The following MMD2 variants were observed in gnomAD, a reference collection of about 807,000 sequenced individuals.
MMD2 encodes monocyte to macrophage differentiation factor 2.
A neutral mutation model predicts 33.5 loss-of-function variants in MMD2; 30 were observed. The observed-to-expected ratio is 0.90, with a 90% CI of 0.67 to 1.22. MMD2 has a LOEUF of 1.22. MMD2 is among the 50% of genes most tolerant of loss of function. The probability of loss-of-function intolerance (pLI) is 0.00; values close to 1 mark genes in which losing one functional copy is unlikely to be tolerated. For synonymous variants in MMD2, 129 were observed against 123.0 expected (o/e 1.05, Z -0.32); for missense variants, 364 against 325.4 (o/e 1.12, Z -0.91).
intron 1 of MMD2, among the ~76,000 whole-genome samples, chr7:4,949,166 C>A (rs1427287339): frequency 6.6e-6 from 1 of 152,110 alleles, no homozygotes; most frequent in Non-Finnish European, 1.5e-5. Context: ...GCCGAGATCA[C>A]ACAGCTGTAC....
intron 1 of MMD2, among the ~76,000 whole-genome samples, chr7:4,938,649 G>C (rs991689286): frequency 6.6e-6 from 1 of 152,108 alleles, no homozygotes; most frequent in Non-Finnish European, 1.5e-5. Flanking sequence ...ACAGCAAGGG[G>C]CAAGGCCAGG....
intron 1 of MMD2, among the ~76,000 whole-genome samples, chr7:4,955,747 G>T (rs1183140358): frequency 6.6e-6 from 1 of 152,068 alleles, no homozygotes; most frequent in Non-Finnish European, 1.5e-5. Context: ...ATTAAACTGA[G>T]TGTCTACTAG....
intron 1 of MMD2, among the ~76,000 whole-genome samples, chr7:4,949,222 T>C (rs143155078): frequency 6.6e-6 from 1 of 152,056 alleles, no homozygotes; most frequent in East Asian, 1.9e-4. Context: ...AAAATTATTA[T>C]TATTAAATTA....
In MMD2 at chr7:4,935,473, A is replaced by G. The variant is rs149370530; in HGVS notation, c.48-9941T>C. Among the ~76,000 whole-genome samples, 483 of 152,032 alleles carry G rather than the reference A, an allele frequency of 3.2e-3. 2 individuals are homozygous for G. Among genetic ancestry groups the G allele is most frequent in the African/African-American group, 0.011 (436 of 41,492 alleles). ...TCTTTATTATTATTATTTTTTTAGC[A>G]TTTAAAAAATGGGCAGAGACAGTGA... On this transcript the variant is annotated intron_variant, in intron 1 of 6. Coordinates refer to ENST00000401401, the MANE Select transcript of MMD2 (RefSeq NM_198403.4).
At chr7:4,958,942 C>A (rs1199087956) in intron 1 of MMD2, 29 bp downstream of exon 1, 2 of 1,290,384 alleles carry the variant, frequency 1.5e-6, no homozygotes, top group East Asian at 3.1e-5. Context: ...CTCCCTCCCT[C>A]CCCGCGGACC....
intron 1 of MMD2, among the ~76,000 whole-genome samples, chr7:4,958,626 C>A (rs548408413): frequency 2.0e-5 from 3 of 152,200 alleles, no homozygotes; most frequent in African/African-American, 4.8e-5. Context: ...GGGCTCCAGG[C>A]GCTGCGCAAA....
the MMD2 span, among the ~76,000 whole-genome samples, chr7:4,893,367 TATTTA>T: frequency 2.6e-5 from 2 of 78,312 alleles, no homozygotes; most frequent in African/African-American, 1.4e-4. Flanking sequence ...TTATTTCTTT[TATTTA>T]TTTATTTATT....
chr7:4,934,741 A>G (rs1469537405), intron 1 of MMD2, among the ~76,000 whole-genome samples: 1 of 152,204 alleles, frequency 6.6e-6, no homozygotes, highest in Non-Finnish European at 1.5e-5. Context: ...GAGGAGGTAC[A>G]GGCTTTGGAG....
At chr7:4,923,346 C>T (rs950302382) in intron 2 of MMD2, among the ~76,000 whole-genome samples, 8 of 152,054 alleles carry the variant, frequency 5.3e-5, no homozygotes, top group Non-Finnish European at 7.4e-5. Context: ...TCAAGTGATC[C>T]GCCCGCCTCA....
intron 1 of MMD2, among the ~76,000 whole-genome samples, chr7:4,930,345 A>T (rs963440422): frequency 2.0e-5 from 3 of 150,444 alleles, no homozygotes; most frequent in African/African-American, 7.3e-5. Flanking sequence ...GGGTTCCCTA[A>T]AAAGACAAAA....
rs1785239423 is a variant in MMD2 at position 4,920,145 on chromosome 7, ATGGGTCCCCTC to A, written c.290+15_290+25del. 1 of 1,549,972 alleles carries A rather than the reference ATGGGTCCCCTC, an allele frequency of 6.5e-7. No individual in the cohort carries two copies. The highest frequency in any genetic ancestry group is 8.7e-7 in the Non-Finnish European group (1 of 1,146,578). The stretch of plus-strand genomic sequence containing the variant: ...CCCCTGCCCCGACCCCCTACCCGGC[ATGGGTCCCCTC>A]TGGGCGGGAGGCACCTGAGGTGGCT... On this transcript the variant is annotated intron_variant, in intron 3 of 6. Transcript: ENST00000401401.
rs892629873 is a variant in MMD2 at position 4,946,354 on chromosome 7, G to T, written c.47+12617C>A. Among the ~76,000 whole-genome samples, 8 of 152,304 alleles carry T rather than the reference G, an allele frequency of 5.3e-5. No homozygotes were observed. In the East Asian group the frequency reaches 1.5e-3, roughly 29 times the overall value. On this transcript the variant is annotated intron_variant, in intron 1 of 6. Coordinates refer to ENST00000401401, the MANE Select transcript of MMD2 (RefSeq NM_198403.4). The surrounding 1 kb of genome is among the most constrained non-coding windows in gnomAD (Gnocchi z 5.0). ...TGGACGGATCAATTTGTTTCCCTCT[G>T]CGGCCTTTCTCTGAAAGAAATGAAA...
intron 2 of MMD2, among the ~76,000 whole-genome samples, chr7:4,924,375 G>A (rs1785369161): frequency 6.6e-6 from 1 of 152,306 alleles, no homozygotes; most frequent in African/African-American, 2.4e-5. Flanking sequence ...CAGGGCGGGG[G>A]GTTTGAGAAT....
At chr7:4,899,543 G>C in the MMD2 span, among the ~76,000 whole-genome samples, 47 of 151,986 alleles carry the variant, frequency 3.1e-4, no homozygotes, top group South Asian at 8.3e-4. Flanking sequence ...ATAAGCCACT[G>C]TGCCCAGCTA....
At chr7:4,955,858 G>T (rs1250393089) in intron 1 of MMD2, among the ~76,000 whole-genome samples, 1 of 152,170 alleles carries the variant, frequency 6.6e-6, no homozygotes, top group African/African-American at 2.4e-5. Context: ...TTCGAGACCA[G>T]CCTGGCCAAT....
Position 4,946,548 on chromosome 7 carries a change from G to A in MMD2, c.47+12423C>T, listed in dbSNP as rs1313749953. ...AGGATTCAGACAATGATAACCAATGGATGCTAAGACCACCAGGTGAGAGGC... is the reference window on the plus strand; with the variant it reads ...AGGATTCAGACAATGATAACCAATGAATGCTAAGACCACCAGGTGAGAGGC... On this transcript the variant is annotated intron_variant, in intron 1 of 6. Transcript: ENST00000401401. The surrounding 1 kb of genome is among the most constrained non-coding windows in gnomAD (Gnocchi z 5.0). Among the ~76,000 whole-genome samples the A allele has an allele frequency of 3.3e-5, 5 of 152,120 alleles. No homozygotes were observed. The highest frequency in any genetic ancestry group is 2.1e-4 in the South Asian group (1 of 4,830).
At chr7:4,911,705 G>A (rs545393709) in intron 4 of MMD2, among the ~76,000 whole-genome samples, 97 of 151,488 alleles carry the variant, frequency 6.4e-4, no homozygotes, top group African/African-American at 2.3e-3. Context: ...CTGCAGTGTA[G>A]TGGCACAATC....
At chr7:4,922,290 C>A (rs762193235) in intron 2 of MMD2, among the ~76,000 whole-genome samples, 5 of 151,958 alleles carry the variant, frequency 3.3e-5, no homozygotes, top group East Asian at 1.9e-4. Context: ...CAAAAACTGG[C>A]CAGGTGCAGT....
intron 1 of MMD2, among the ~76,000 whole-genome samples, chr7:4,953,986 G>C (rs1479429164): frequency 1.3e-5 from 2 of 152,086 alleles, no homozygotes; most frequent in African/African-American, 4.8e-5. Context: ...AGCCTCCTGA[G>C]TAGCTGGGAC....
Sources: allele counts gnomAD v4.1 joint callset (sites outside exome capture counted in the v4.1 genomes callset), GRCh38; gene constraint gnomAD v4.1.1; non-coding constraint Gnocchi (gnomAD v3.1); transcripts MANE v1.5; gene names NCBI Gene and HGNC (gene_info 2026-07-23, HGNC 2026-07-21).